The following TEX36 variants were observed in gnomAD, a reference collection of about 807,000 sequenced individuals.
TEX36 encodes the protein testis expressed 36, also known as testis-expressed protein 36.
In TEX36, 12 loss-of-function variants were observed where a neutral mutation model predicts 13.6. The ratio of observed to expected loss-of-function variants is 0.88; its 90% CI spans 0.56 to 1.43. TEX36 has a LOEUF of 1.43. Among genes scored for constraint, TEX36 ranks in the 40% most tolerant of loss-of-function variants. The pLI is 0.00. For synonymous variants in TEX36, 93 were observed against 83.0 expected, an observed-to-expected ratio of 1.12 and a Z score of -0.65; for missense variants, 224 against 228.3, an observed-to-expected ratio of 0.98 and a Z score of 0.12.
At chr10:125,654,137 G>T (rs375212309), downstream of TEX36, among the ~76,000 whole-genome samples, 1 of 151,952 alleles carries the variant, frequency 6.6e-6, no homozygotes, top group East Asian at 1.9e-4. Flanking sequence ...TAGAAAAATC[G>T]AGAAGAGAAT....
chr10:125,592,787 T>C (rs145927345), intron 3 of TEX36, among the ~76,000 whole-genome samples: 2 of 152,284 alleles, frequency 1.3e-5, no homozygotes, highest in East Asian at 3.9e-4. Flanking sequence ...ATTACTTTGT[T>C]AGAGCAGCTC....
intron 1 of TEX36, chr10:125,668,069 G>C (rs1847153574): frequency 1.6e-6 from 1 of 627,396 alleles, no homozygotes; most frequent in African/African-American, 1.8e-5. Flanking sequence ...TAAAATAACT[G>C]AGAGTCTGTG....
chr10:125,616,945 C>T (rs1846367646), downstream of TEX36, among the ~76,000 whole-genome samples: 1 of 152,104 alleles, frequency 6.6e-6, no homozygotes, highest in African/African-American at 2.4e-5. Flanking sequence ...TCTCTAAGGA[C>T]TTGCTTTATG....
intron 3 of TEX36, among the ~76,000 whole-genome samples, chr10:125,600,840 A>G (rs1410757031): frequency 6.6e-6 from 1 of 152,240 alleles, no homozygotes; most frequent in African/African-American, 2.4e-5. Context: ...GTGAGAAAGC[A>G]CAAAGATCTG....
intron 3 of TEX36, among the ~76,000 whole-genome samples, chr10:125,626,278 G>C (rs1315328596): frequency 6.6e-6 from 1 of 152,114 alleles, no homozygotes; most frequent in Non-Finnish European, 1.5e-5. Flanking sequence ...GACCCAACCT[G>C]CAACAGTCGG....
chr10:125,608,337 A>G, intron 3 of TEX36, among the ~76,000 whole-genome samples: 1 of 152,180 alleles, frequency 6.6e-6, no homozygotes, highest in Non-Finnish European at 1.5e-5. Context: ...TGAACTACTG[A>G]AAAGGGATGC....
At chr10:125,667,335 TCACA>T in intron 1 of TEX36, 1 of 642,858 alleles carries the variant, frequency 1.6e-6, no homozygotes, top group South Asian at 1.4e-5. Context: ...ACCTTCTTGG[TCACA>T]CACTGGCAGT....
chr10:125,618,339 T>C (rs955934836), downstream of TEX36, among the ~76,000 whole-genome samples: 17 of 148,566 alleles, frequency 1.1e-4, no homozygotes, highest in Non-Finnish European at 2.1e-4. Context: ...AGGAACTGCG[T>C]TCCTTTGGAG....
At chr10:125,628,166 T>A (rs1258186555) in intron 3 of TEX36, among the ~76,000 whole-genome samples, 1 of 152,250 alleles carries the variant, frequency 6.6e-6, no homozygotes, top group Non-Finnish European at 1.5e-5. Flanking sequence ...AATTCTGTCC[T>A]ATGAAAACAT....
chr10:125,637,088 G>A (rs4614350), intron 3 of TEX36, among the ~76,000 whole-genome samples: 1 of 151,912 alleles, frequency 6.6e-6, no homozygotes, highest in South Asian at 2.1e-4. Context: ...AATCACTTGA[G>A]CCCAGGAATT....
At chr10:125,582,438 G>C (rs769439758) in intron 3 of TEX36, among the ~76,000 whole-genome samples, 1 of 152,192 alleles carries the variant, frequency 6.6e-6, no homozygotes, top group Non-Finnish European at 1.5e-5. Flanking sequence ...AACTTCCCCA[G>C]TCTCAAGAGC....
chr10:125,596,197 AG>A (rs111672116), intron 3 of TEX36, among the ~76,000 whole-genome samples: 46,636 of 152,110 alleles, frequency 0.31, 8,054 homozygotes, highest in East Asian at 0.47. Flanking sequence ...ATACAGCAAA[AG>A]GGACTTTGCC....
In TEX36 at chr10:125,683,046, T is replaced by G; in HGVS notation, c.-57A>C. On this transcript the variant is annotated 5_prime_UTR_variant, in exon 1 of 4. An upstream open reading frame in the 5' UTR loses its in-frame stop. Transcript: ENST00000368821. ...GGCTCCCTCACCTCTCCATAAGCTC[T>G]ACATGTCTGGGAAGCTGCTTCCTAA... The G allele has an allele frequency of 2.4e-4, 360 of 1,521,918 alleles. No individual in the cohort carries two copies. Among genetic ancestry groups the G allele is most frequent in the Middle Eastern group, 3.4e-4 (2 of 5,938 alleles). 94.3% of individuals were successfully genotyped at this position (1,521,918 alleles called of 1,614,324 possible). A position where few individuals can be genotyped will look rare whatever the true frequency, so the allele number is the denominator to read the frequency against.
At chr10:125,620,872 A>G (rs973664135), downstream of TEX36, among the ~76,000 whole-genome samples, 1 of 152,212 alleles carries the variant, frequency 6.6e-6, no homozygotes, top group East Asian at 1.9e-4. Flanking sequence ...AAGTAGAATC[A>G]TATAGCATGT....
At chr10:125,617,232 CTT>C (rs1243392405), downstream of TEX36, among the ~76,000 whole-genome samples, 134 of 151,868 alleles carry the variant, frequency 8.8e-4, 1 homozygote, top group African/African-American at 2.8e-3. Context: ...GGTCTTGACT[CTT>C]TATCCAATTT....
chr10:125,606,228 A>ATT (rs1299319887), intron 3 of TEX36, among the ~76,000 whole-genome samples: 2 of 152,220 alleles, frequency 1.3e-5, no homozygotes, highest in Non-Finnish European at 2.9e-5. Flanking sequence ...CTATAGTGAA[A>ATT]TGTATTCAAG....
intron 1 of TEX36, chr10:125,667,273 C>T: frequency 3.2e-6 from 2 of 625,580 alleles, no homozygotes; most frequent in Non-Finnish European, 6.1e-6. Context: ...CAGCAAGATG[C>T]CCTCCAAGAT....
In TEX36 at chr10:125,661,773, C is replaced by A. The variant is rs76045486; in HGVS notation, c.183+73G>T. The stretch of plus-strand genomic sequence containing the variant: ...TTCTTACAAAGAAGAATTGTTTGGC[C>A]CAACGTGCCAGCGGCGCTGCCCCCT... On this transcript the variant is annotated intron_variant, in intron 2 of 3. Coordinates refer to ENST00000368821, the MANE Select transcript of TEX36 (RefSeq NM_001128202.3). 1.9e-4 allele frequency: 287 copies of A among 1,524,292 alleles called. 5 individuals carry two copies. In the East Asian group the frequency reaches 5.2e-3, roughly 28 times the overall value. 94.4% of individuals were successfully genotyped at this position (1,524,292 alleles called of 1,614,324 possible). A position where few individuals can be genotyped will look rare whatever the true frequency, so the allele number is the denominator to read the frequency against.
intron 3 of TEX36, among the ~76,000 whole-genome samples, chr10:125,589,996 C>T (rs1846001940): frequency 6.6e-6 from 1 of 152,200 alleles, no homozygotes; most frequent in Non-Finnish European, 1.5e-5. Context: ...AGTTGCAGGT[C>T]TCCTTTTTCA....
Sources: gnomAD v4.1 joint callset for allele counts (sites outside exome capture counted in the v4.1 genomes callset) on GRCh38, gnomAD v4.1.1 for gene constraint, MANE v1.5 for transcripts, NCBI Gene and HGNC (gene_info 2026-07-23, HGNC 2026-07-21) for gene names.